The following CAMTA1 variants were observed in gnomAD, a reference collection of about 807,000 sequenced individuals.
The protein encoded by CAMTA1 is calmodulin-binding transcription activator 1.
Under a neutral mutation model 170.9 loss-of-function variants are expected in CAMTA1, and 27 were observed. That is an observed-to-expected ratio of 0.16 (90% CI 0.12 to 0.22). The LOEUF (loss-of-function observed/expected upper bound fraction) is 0.22. Among genes scored for constraint, CAMTA1 ranks in the 10% least tolerant of loss-of-function variants. The pLI, the probability that CAMTA1 is intolerant of heterozygous loss-of-function variation, is 1.00. For synonymous variants in CAMTA1, 833 were observed against 891.5 expected, an observed-to-expected ratio of 0.93 and a Z score of 1.17; for missense variants, 1,619 against 2,217.2, an observed-to-expected ratio of 0.73 and a Z score of 5.42.
At chr1:7,263,983 T>C (rs1668535783) in intron 5 of CAMTA1, among the ~76,000 whole-genome samples, 1 of 152,130 alleles carries the variant, frequency 6.6e-6, no homozygotes, top group African/African-American at 2.4e-5. Flanking sequence ...TTTCAATATA[T>C]GTTAGATATG....
chr1:6,895,040 G>A (rs1194509328), intron 3 of CAMTA1, among the ~76,000 whole-genome samples: 1 of 152,180 alleles, frequency 6.6e-6, no homozygotes, highest in East Asian at 1.9e-4. Context: ...TACAGGCCCT[G>A]AGCCTGTGTG....
chr1:6,876,523 C>A (rs563408461), intron 3 of CAMTA1, among the ~76,000 whole-genome samples: 6 of 152,000 alleles, frequency 3.9e-5, no homozygotes, highest in Non-Finnish European at 7.4e-5. Flanking sequence ...CCACCGTGCC[C>A]AACTAATTTT....
chr1:7,649,972 G>A (rs763113528), intron 7 of CAMTA1, among the ~76,000 whole-genome samples: 1 of 152,256 alleles, frequency 6.6e-6, no homozygotes. Context: ...AGGCCAGGTA[G>A]TTGGGAGCTC....
Position 7,059,459 on chromosome 1 carries a change from G to T in CAMTA1, c.235-31845G>T, listed in dbSNP as rs561027855. 7.9e-5 allele frequency among the ~76,000 whole-genome samples: 12 copies of T among 152,100 alleles called. No individual in the cohort carries two copies. The South Asian group carries it at 1.2e-3, about 16-fold the overall frequency. On this transcript the variant is annotated intron_variant, in intron 3 of 22. Coordinates refer to ENST00000303635, the MANE Select transcript of CAMTA1 (RefSeq NM_015215.4). The stretch of plus-strand genomic sequence containing the variant: ...ATACCGGGACCCCATCTCTACAAAA[G>T]ATTTTTAAAAATTAGCTGGGCACAA...
rs546040807 is a variant in CAMTA1, at chr1:7,620,560, A to G, written c.511-19840A>G. ...AAACAAAGAAAAAGAGAGAGAGAGA[A>G]TATATTCTATGCTGCCTTGTTCTGC... On this transcript the variant is annotated intron_variant, in intron 6 of 22. Transcript: ENST00000303635. Among the ~76,000 whole-genome samples the G allele has an allele frequency of 9.2e-5, 14 of 152,298 alleles. No homozygotes were observed. In the South Asian group the frequency reaches 2.3e-3, roughly 25 times the overall value.
At chr1:7,715,986 A>T (rs537373359) in intron 11 of CAMTA1, among the ~76,000 whole-genome samples, 2 of 152,350 alleles carry the variant, frequency 1.3e-5, no homozygotes, top group South Asian at 4.1e-4. Context: ...TAAAAATATC[A>T]TCTATTTATC....
intron 22 of CAMTA1, among the ~76,000 whole-genome samples, chr1:7,760,529 C>T (rs1323652359): frequency 6.6e-6 from 1 of 152,140 alleles, no homozygotes; most frequent in Non-Finnish European, 1.5e-5. Flanking sequence ...AGAAGTAAGA[C>T]GTGAATGTGG....
intron 6 of CAMTA1, among the ~76,000 whole-genome samples, chr1:7,492,719 A>G (rs1217294730): frequency 2.7e-5 from 4 of 149,746 alleles, no homozygotes; most frequent in Non-Finnish European, 4.4e-5. Flanking sequence ...GCACACACAC[A>G]AACACAAACC....
chr1:7,241,062 A>C (rs552741595), intron 4 of CAMTA1, among the ~76,000 whole-genome samples: 1 of 152,350 alleles, frequency 6.6e-6, no homozygotes, highest in South Asian at 2.1e-4. Context: ...CTACAAAAAA[A>C]ATTTACTAGA....
At chr1:7,409,863 C>A (rs1222308474) in intron 5 of CAMTA1, among the ~76,000 whole-genome samples, 2 of 152,224 alleles carry the variant, frequency 1.3e-5, no homozygotes, top group Non-Finnish European at 2.9e-5. Flanking sequence ...TGGAATCGGA[C>A]AAATCATTGC....
At chr1:7,465,440 G>A (rs756400998) in intron 5 of CAMTA1, among the ~76,000 whole-genome samples, 32 of 151,956 alleles carry the variant, frequency 2.1e-4, no homozygotes, top group South Asian at 6.2e-4. Context: ...GCCTTCAGCC[G>A]CACTTCCCAT....
At chr1:6,792,922 G>T (rs78315876) in intron 1 of CAMTA1, among the ~76,000 whole-genome samples, 2,120 of 152,140 alleles carry the variant, frequency 0.014, 48 homozygotes, top group African/African-American at 0.047. Context: ...TGAAAGAAAC[G>T]TTTGGGGCTG....
chr1:7,450,968 G>GA (rs1392932225), intron 5 of CAMTA1, among the ~76,000 whole-genome samples: 2 of 152,200 alleles, frequency 1.3e-5, no homozygotes, highest in Non-Finnish European at 2.9e-5. Flanking sequence ...TTTCCCCGGG[G>GA]AGGTCGGCGA....
chr1:7,724,950 A>T (rs1216770934), intron 11 of CAMTA1, among the ~76,000 whole-genome samples: 1 of 152,184 alleles, frequency 6.6e-6, no homozygotes, highest in Non-Finnish European at 1.5e-5. Context: ...ATTTTTCCAA[A>T]GTCACACAGT....
chr1:6,975,518 G>A (rs1693264521), intron 3 of CAMTA1, among the ~76,000 whole-genome samples: 1 of 152,176 alleles, frequency 6.6e-6, no homozygotes, highest in African/African-American at 2.4e-5. Flanking sequence ...AGTCTGGGGA[G>A]CTGGGCCTTG....
rs1484685066 is a variant in CAMTA1, at chr1:7,093,393, G to A, written c.302+2022G>A. ...CTGGACCATTTCCTGACTTCCAAGG[G>A]TGGCCCTTATCTCAAGCAGCCGCCA... On this transcript the variant is annotated intron_variant, in intron 4 of 22. Coordinates refer to ENST00000303635, the MANE Select transcript of CAMTA1 (RefSeq NM_015215.4). This position sits in a 1 kb window ranked among gnomAD's most constrained non-coding sequence, Gnocchi z 4.6. Among the ~76,000 whole-genome samples the A allele has an allele frequency of 1.3e-5, 2 of 152,066 alleles. No homozygotes were observed. Among genetic ancestry groups the A allele is most frequent in the Non-Finnish European group, 2.9e-5 (2 of 68,016 alleles).
chr1:6,989,558 G>C (rs1398764810), intron 3 of CAMTA1, among the ~76,000 whole-genome samples: 1 of 152,136 alleles, frequency 6.6e-6, no homozygotes, highest in Non-Finnish European at 1.5e-5. Flanking sequence ...CAAGATTTAT[G>C]AGAACTCACC....
At chr1:7,616,790 T>G (rs1050994872) in intron 6 of CAMTA1, among the ~76,000 whole-genome samples, 2 of 150,980 alleles carry the variant, frequency 1.3e-5, no homozygotes, top group Non-Finnish European at 3.0e-5. Context: ...AGAGGAGGGG[T>G]GAGCGCAGAA....
At chr1:7,129,101 G>C (rs1645101205) in intron 4 of CAMTA1, among the ~76,000 whole-genome samples, 1 of 151,730 alleles carries the variant, frequency 6.6e-6, no homozygotes. Context: ...GCTTCCCAAA[G>C]TGCTGGGATT....
Sources: allele counts gnomAD v4.1 joint callset (sites outside exome capture counted in the v4.1 genomes callset), GRCh38; gene constraint gnomAD v4.1.1; non-coding constraint Gnocchi (gnomAD v3.1); transcripts MANE v1.5; gene names NCBI Gene and HGNC (gene_info 2026-07-23, HGNC 2026-07-21).